The following MARK3 variants were observed in gnomAD, a reference collection of about 807,000 sequenced individuals.
MARK3 encodes microtubule affinity regulating kinase 3.
A neutral mutation model predicts 90.1 loss-of-function variants in MARK3; 46 were observed. That is an observed-to-expected ratio of 0.51 (90% confidence interval 0.40 to 0.65). The LOEUF (loss-of-function observed/expected upper bound fraction) is 0.65, where lower values mean the gene tolerates loss of function less well. Among genes scored for constraint, MARK3 ranks in the 30% least tolerant of loss-of-function variants. MARK3 has a pLI of 0.00. For synonymous variants in MARK3, 321 were observed against 332.6 expected (o/e 0.97, Z 0.38); for missense variants, 818 against 947.2 (o/e 0.86, Z 1.79).
At chr14:103,502,706 G>A (rs1195232371) in intron 17 of MARK3, among the ~76,000 whole-genome samples, 176 bp from the exon 18 acceptor site, 1 of 152,214 alleles carries the variant, frequency 6.6e-6, no homozygotes, top group Non-Finnish European at 1.5e-5. Context: ...CTTTTAGGGG[G>A]TGAGGGAAGA....
rs1218036201 is a variant in MARK3, at chr14:103,485,588, A to C, written c.1586+5098A>C. Among the ~76,000 whole-genome samples, 2 of 152,086 alleles carry C rather than the reference A, an allele frequency of 1.3e-5. 1 individual carries two copies. The highest frequency in any genetic ancestry group is 2.9e-5 in the Non-Finnish European group (2 of 68,016). On this transcript the variant is annotated intron_variant, in intron 14 of 17. Coordinates refer to ENST00000429436, the MANE Select transcript of MARK3 (RefSeq NM_001128918.3). ...ATGCCTGTCCTTGGACTATATTTTT[A>C]ATTCTGCTTTTGCCCAGTCACTTGA...
chr14:103,471,768 G>GTTCT (rs10678416), intron 12 of MARK3, among the ~76,000 whole-genome samples: 150,118 of 152,058 alleles, frequency 0.99, 74,142 homozygotes, highest in East Asian at 1. Flanking sequence ...TTTTCAAGGG[G>GTTCT]TTAGCTTGTT....
At chr14:103,468,692 CT>C (rs2141631578) in intron 12 of MARK3, among the ~76,000 whole-genome samples, 1 of 151,882 alleles carries the variant, frequency 6.6e-6, no homozygotes, top group African/African-American at 2.4e-5. Context: ...CTCTTATCTT[CT>C]TTATACATGC....
intron 5 of MARK3, among the ~76,000 whole-genome samples, chr14:103,452,279 T>G (rs989677935): frequency 1.3e-5 from 2 of 152,042 alleles, no homozygotes; most frequent in African/African-American, 4.8e-5. Flanking sequence ...TCAGTGACAT[T>G]AGCATGTTCA....
chr14:103,448,631 T>C (rs542032593), intron 3 of MARK3, among the ~76,000 whole-genome samples: 1 of 152,358 alleles, frequency 6.6e-6, no homozygotes, highest in African/African-American at 2.4e-5. Context: ...TCTGATCTTA[T>C]GTTTTCAAGA....
intron 14 of MARK3, among the ~76,000 whole-genome samples, chr14:103,488,698 T>C (rs891972685): frequency 2.6e-5 from 4 of 151,916 alleles, no homozygotes; most frequent in African/African-American, 9.7e-5. Flanking sequence ...CTACAAAAAA[T>C]TTAAAAATTA....
intron 3 of MARK3, 27 bp from the exon 4 acceptor site, chr14:103,448,892 A>T: frequency 6.5e-7 from 1 of 1,538,692 alleles, no homozygotes; most frequent in South Asian, 1.2e-5. Flanking sequence ...TGGGGGGATT[A>T]TGTGTTTTGT....
In MARK3 at chr14:103,498,586, A is replaced by G. The variant is rs558247266; in HGVS notation, c.1871+58A>G. ...TCCTCACTCCCAAATGGCTCCTGCA[A>G]TTAACATTAGGTTTGGCTTTCTGGC... On this transcript the variant is annotated intron_variant, in intron 16 of 17. Coordinates refer to ENST00000429436, the MANE Select transcript of MARK3 (RefSeq NM_001128918.3). 1,112 of 1,309,882 alleles carry G rather than the reference A, an allele frequency of 8.5e-4. 9 individuals carry two copies. In the South Asian group the frequency reaches 9.7e-3, roughly 11 times the overall value. 81.1% of individuals were successfully genotyped at this position (1,309,882 alleles called of 1,614,324 possible).
chr14:103,500,063 G>A lies in MARK3; in HGVS notation c.1872-93G>A, dbSNP rs894949226. ...CGTGTTTTGGCTTTGTTCATTTTAT[G>A]GTGTTGGTGTTGGTATTGGTGGTCA... On this transcript the variant is annotated intron_variant, in intron 16 of 17. Coordinates refer to ENST00000429436, the MANE Select transcript of MARK3 (RefSeq NM_001128918.3). The A allele has an allele frequency of 4.3e-6, 4 of 928,896 alleles. No homozygotes were observed. In the African/African-American group the frequency reaches 4.9e-5, roughly 11 times the overall value. 57.5% of individuals were successfully genotyped at this position (928,896 alleles called of 1,614,324 possible).
chr14:103,440,423 A>C (rs889035373), intron 3 of MARK3, among the ~76,000 whole-genome samples: 2 of 152,188 alleles, frequency 1.3e-5, no homozygotes, highest in Admixed American at 6.5e-5. Flanking sequence ...TATTTCCATC[A>C]GTAGTGTGTA....
At chr14:103,420,750 G>A (rs530723319) in intron 2 of MARK3, among the ~76,000 whole-genome samples, 128 of 152,200 alleles carry the variant, frequency 8.4e-4, no homozygotes, top group Non-Finnish European at 1.4e-3. Context: ...ACCCAAATCA[G>A]TACAGCGCTT....
chr14:103,426,634 C>G (rs927556881), intron 2 of MARK3, among the ~76,000 whole-genome samples: 1 of 152,170 alleles, frequency 6.6e-6, no homozygotes, highest in Non-Finnish European at 1.5e-5. Flanking sequence ...TCTATTGTCA[C>G]TTCCATTCTT....
chr14:103,475,400 TTCATTC>T (rs1385273532), intron 13 of MARK3, among the ~76,000 whole-genome samples, 190 bp downstream of exon 13: 21 of 152,324 alleles, frequency 1.4e-4, no homozygotes, highest in Admixed American at 4.6e-4. Context: ...ACTCTCTTAG[TTCATTC>T]TTGCTGCTGT....
chr14:103,470,455 A>ATTTTATTTTTTTTTTTTTT (rs2093604746), intron 12 of MARK3, among the ~76,000 whole-genome samples: 1 of 55,050 alleles, frequency 1.8e-5, no homozygotes, highest in Non-Finnish European at 3.4e-5. Flanking sequence ...AACTAAATCT[A>ATTTTATTTTTTTTTTTTTT]TTTTTTTTTT....
At chr14:103,416,993 G>T (rs530604137) in intron 2 of MARK3, among the ~76,000 whole-genome samples, 43 of 152,290 alleles carry the variant, frequency 2.8e-4, no homozygotes, top group African/African-American at 9.6e-4. Flanking sequence ...GCAGGAGAGT[G>T]AATGGACTAG....
At chr14:103,460,152 C>G (rs965669341) in intron 6 of MARK3, among the ~76,000 whole-genome samples, 1 of 121,036 alleles carries the variant, frequency 8.3e-6, no homozygotes, top group African/African-American at 3.1e-5. Flanking sequence ...GTGGCGCGAT[C>G]TCGGCTCACT....
intron 3 of MARK3, among the ~76,000 whole-genome samples, chr14:103,443,249 G>T (rs2092908132): frequency 6.6e-6 from 1 of 152,204 alleles, no homozygotes; most frequent in African/African-American, 2.4e-5. Flanking sequence ...TGGAATTCAT[G>T]ATTGAATTCT....
intron 1 of MARK3, among the ~76,000 whole-genome samples, chr14:103,397,006 T>TG (rs971058366): frequency 1.3e-5 from 2 of 152,168 alleles, no homozygotes; most frequent in Non-Finnish European, 2.9e-5. Context: ...ATTGAAATAT[T>TG]GGGGGGTATA....
intron 15 of MARK3, among the ~76,000 whole-genome samples, chr14:103,496,543 G>T (rs1321431251): frequency 1.3e-5 from 2 of 152,056 alleles, no homozygotes; most frequent in African/African-American, 4.8e-5. Context: ...CTCCCCAGTA[G>T]CTGGGACTAC....
Sources: allele counts gnomAD v4.1 joint callset (sites outside exome capture counted in the v4.1 genomes callset), GRCh38; gene constraint gnomAD v4.1.1; transcripts MANE v1.5; gene names NCBI Gene and HGNC (gene_info 2026-07-23, HGNC 2026-07-21).